Variants in AGTRAP observed in about 807,000 individuals in gnomAD.
AGTRAP encodes angiotensin II receptor associated protein, also known as type-1 angiotensin II receptor-associated protein.
In AGTRAP, 7 loss-of-function variants were observed where a neutral mutation model predicts 15.2. That is an observed-to-expected ratio of 0.46 (90% CI 0.26 to 0.87). The LOEUF (loss-of-function observed/expected upper bound fraction) is 0.87. Among genes scored for constraint, AGTRAP ranks in the 40% least tolerant of loss-of-function variants. The probability of loss-of-function intolerance (pLI) is 0.15; values close to 1 mark genes in which losing one functional copy is unlikely to be tolerated. For synonymous variants in AGTRAP, 74 were observed against 89.6 expected, an observed-to-expected ratio of 0.83 and a Z score of 0.98; for missense variants, 187 against 213.4, an observed-to-expected ratio of 0.88 and a Z score of 0.77.
chr1:11,742,783 A>G (rs116738226), intron 1 of AGTRAP, among the ~76,000 whole-genome samples: 1,790 of 151,866 alleles, frequency 0.012, 33 homozygotes, highest in African/African-American at 0.04. Flanking sequence ...TTCTCCCTCC[A>G]CCTCCTAAAG....
chr1:11,747,428 C>T lies in AGTRAP; in HGVS notation c.63-12C>T, dbSNP rs770083300. ...TGGCCTCCTGACGGGACTGAGCTAC[C>T]TCTTCCTACAGGGGCTGCATTGTAT... is the stretch of plus-strand genomic sequence containing the variant. On this transcript the variant is annotated splice_polypyrimidine_tract_variant and intron_variant, in intron 2 of 4. Coordinates refer to ENST00000314340, the MANE Select transcript of AGTRAP (RefSeq NM_020350.5). 2.5e-6 allele frequency: 4 copies of T among 1,613,532 alleles called. No homozygotes were observed. The East Asian group carries it at 8.9e-5, about 36-fold the overall frequency.
chr1:11,749,438 T>G (rs964592594), intron 4 of AGTRAP, among the ~76,000 whole-genome samples: 4 of 151,922 alleles, frequency 2.6e-5, no homozygotes, highest in African/African-American at 9.7e-5. Flanking sequence ...AGGTGAGGGG[T>G]GCCAGAATGT....
intron 1 of AGTRAP, among the ~76,000 whole-genome samples, chr1:11,741,965 C>A (rs955868214): frequency 6.6e-6 from 1 of 152,184 alleles, no homozygotes; most frequent in Admixed American, 6.5e-5. Flanking sequence ...AAAGGAATTT[C>A]TTTTGGGCCA....
At chr1:11,739,383 T>C (rs1373581516) in intron 1 of AGTRAP, among the ~76,000 whole-genome samples, 1 of 151,970 alleles carries the variant, frequency 6.6e-6, no homozygotes, top group African/African-American at 2.4e-5. Flanking sequence ...TAACCCCACC[T>C]CTACTAAAAA....
At chr1:11,740,071 C>G (rs959476134) in intron 1 of AGTRAP, among the ~76,000 whole-genome samples, 5 of 152,210 alleles carry the variant, frequency 3.3e-5, no homozygotes, top group African/African-American at 1.2e-4. Context: ...GGCTCAGGTC[C>G]GTCCTTCCTG....
At position 11,749,705 on chromosome 1, in the gene AGTRAP, C is replaced by T. The variant is rs1417891850; in HGVS notation, c.365-372C>T. Among the ~76,000 whole-genome samples the T allele has an allele frequency of 2.6e-5, 4 of 152,258 alleles. No homozygotes were observed. The South Asian group carries it at 6.2e-4, about 24-fold the overall frequency. ...GTCCCTCTGCCCAGGTTCCTAAGCA[C>T]GTGCTGCCTGGGGAAGCCCATGGCA... On this transcript the variant is annotated intron_variant, in intron 4 of 4. Transcript: ENST00000314340.
intron 3 of AGTRAP, 58 bp from the exon 4 acceptor site, chr1:11,748,357 G>A (rs558090337): frequency 1.6e-5 from 25 of 1,553,788 alleles, no homozygotes; most frequent in East Asian, 2.3e-5. Context: ...GGTGTGTGGC[G>A]GGGGAGCCAC....
In AGTRAP at chr1:11,747,562, G is replaced by A; in HGVS notation, c.168+17G>A. On this transcript the variant is annotated intron_variant, in intron 3 of 4. Coordinates refer to ENST00000314340, the MANE Select transcript of AGTRAP (RefSeq NM_020350.5). Reference sequence around the variant, plus strand: ...ATAAGCATGGTGAGCCAGGGTGGGGGAGAGGCGGCAAGGCGGGGAGCCGCA... The same window carrying A: ...ATAAGCATGGTGAGCCAGGGTGGGGAAGAGGCGGCAAGGCGGGGAGCCGCA... 6.2e-7 allele frequency: 1 copy of A among 1,612,448 alleles called. No individual in the cohort carries two copies. The highest frequency in any genetic ancestry group is 8.5e-7 in the Non-Finnish European group (1 of 1,179,438).
At chr1:11,743,027 G>A (rs913399706) in intron 1 of AGTRAP, among the ~76,000 whole-genome samples, 12 of 152,138 alleles carry the variant, frequency 7.9e-5, no homozygotes, top group Non-Finnish European at 1.3e-4. Context: ...CACCAGGCCC[G>A]TTGAAGCTCC....
Position 11,750,212 on chromosome 1 carries a change from G to C in AGTRAP, c.*20G>C, listed in dbSNP as rs745623857. ...TACTGAAGCCAGCCACGCTGCGCCC[G>C]GCCCTGCCCCGGGCCTTCCTCGTGC... On this transcript the variant is annotated 3_prime_UTR_variant, in exon 5 of 5. Coordinates refer to ENST00000314340, the MANE Select transcript of AGTRAP (RefSeq NM_020350.5). The C allele has an allele frequency of 1.1e-5, 17 of 1,598,964 alleles. No individual in the cohort carries two copies.
chr1:11,745,900 C>A lies in AGTRAP; in HGVS notation c.62+63C>A. 6.2e-7 allele frequency: 1 copy of A among 1,600,600 alleles called. No individual in the cohort carries two copies. Among genetic ancestry groups the A allele is most frequent in the South Asian group, 1.1e-5 (1 of 90,744 alleles). On this transcript the variant is annotated intron_variant, in intron 2 of 4. Coordinates refer to ENST00000314340, the MANE Select transcript of AGTRAP (RefSeq NM_020350.5). This position sits in a 1 kb window ranked among gnomAD's most constrained non-coding sequence, Gnocchi z 4.2. ...GTCTCAGGGTCTGTGTCAGCCGGGT[C>A]AGGTCCTGGTTCTGCCGTGTTTTAA... is the stretch of plus-strand genomic sequence containing the variant.
chr1:11,748,621 C>T lies in AGTRAP; in HGVS notation c.364+11C>T, dbSNP rs374088316. The T allele has an allele frequency of 8.8e-5, 141 of 1,600,064 alleles. No individual in the cohort carries two copies. The highest frequency in any genetic ancestry group is 1.2e-4 in the Non-Finnish European group (138 of 1,176,886). ...TCCTGGTCCACACTGGTGAGGCCACCACCTCCAGCCAGCTCCTCACCGCTC... is the reference window on the plus strand; with the variant it reads ...TCCTGGTCCACACTGGTGAGGCCACTACCTCCAGCCAGCTCCTCACCGCTC... On this transcript the variant is annotated intron_variant, in intron 4 of 4. Transcript: ENST00000314340.
rs1476537893 is a variant in AGTRAP, at chr1:11,736,217, G to A, written c.9G>A (p.Leu3=). The A allele has an allele frequency of 6.2e-7, 1 of 1,607,806 alleles. No homozygotes were observed. The highest frequency in any genetic ancestry group is 1.7e-5 in the Admixed American group (1 of 58,900). ME[L]PAVNLKVILL... Reference sequence around the variant, plus strand: ...CCTCGGCCTGAGTCGGGATGGAGCTGCCTGCTGTGAACCTGAAGGTGGCGA... The same window carrying A: ...CCTCGGCCTGAGTCGGGATGGAGCTACCTGCTGTGAACCTGAAGGTGGCGA... The change falls in exon 1 of 5, where the codon CTG becomes CTA. Residue 3 remains leucine (L), a synonymous_variant. Transcript: ENST00000314340.
In AGTRAP at chr1:11,750,512, G is replaced by C; in HGVS notation, c.*320G>C. ...GTCCTGCCTGAGTGTTGCAAGCTCA[G>C]GCCTTTAAGGACTGCTGATGCCCCC... On this transcript the variant is annotated 3_prime_UTR_variant, in exon 5 of 5. Coordinates refer to ENST00000314340, the MANE Select transcript of AGTRAP (RefSeq NM_020350.5). 2 of 577,978 alleles carry C rather than the reference G, an allele frequency of 3.5e-6. No homozygotes were observed. Among genetic ancestry groups the C allele is most frequent in the Non-Finnish European group, 6.2e-6 (2 of 324,544 alleles). 35.8% of individuals were successfully genotyped at this position (577,978 alleles called of 1,614,324 possible). A position where few individuals can be genotyped will look rare whatever the true frequency, so the allele number is the denominator to read the frequency against.
chr1:11,739,365 A>G (rs1410007103), intron 1 of AGTRAP, among the ~76,000 whole-genome samples: 1 of 152,134 alleles, frequency 6.6e-6, no homozygotes, highest in African/African-American at 2.4e-5. Context: ...AGCCTGGCCA[A>G]CATGATGTAA....
chr1:11,748,376 G>A (rs762052636), intron 3 of AGTRAP, 39 bp from the exon 4 acceptor site: 1 of 1,589,110 alleles, frequency 6.3e-7, no homozygotes, highest in East Asian at 2.3e-5. Context: ...ACGGAGCGTG[G>A]TGGGGGTGTT....
At chr1:11,748,727 G>A (rs551563359) in intron 4 of AGTRAP, 117 bp downstream of exon 4, 3 of 1,248,168 alleles carry the variant, frequency 2.4e-6, no homozygotes, top group Admixed American at 4.6e-5. Context: ...AAGGTGCAGG[G>A]AGAGCGTGGC....
chr1:11,745,916 C>T lies in AGTRAP; in HGVS notation c.62+79C>T, dbSNP rs187110424. 8.9e-6 allele frequency: 14 copies of T among 1,579,046 alleles called. No homozygotes were observed. Among genetic ancestry groups the T allele is most frequent in the Middle Eastern group, 1.7e-4 (1 of 5,984 alleles). Reference sequence around the variant, plus strand: ...CAGCCGGGTCAGGTCCTGGTTCTGCCGTGTTTTAACCAGGTCACTTTGGGC... The same window carrying T: ...CAGCCGGGTCAGGTCCTGGTTCTGCTGTGTTTTAACCAGGTCACTTTGGGC... On this transcript the variant is annotated intron_variant, in intron 2 of 4. Transcript: ENST00000314340. This position sits in a 1 kb window ranked among gnomAD's most constrained non-coding sequence, Gnocchi z 4.2.
In AGTRAP at chr1:11,750,395, C is replaced by T. The variant is rs1413463044; in HGVS notation, c.*203C>T. On this transcript the variant is annotated 3_prime_UTR_variant, in exon 5 of 5. Transcript: ENST00000314340. ...TGTCCCGAACTCCCTGAGGCCTCCC[C>T]TCCCTTCAGGGCACCCACTGGTTCC... is the stretch of plus-strand genomic sequence containing the variant. 2 of 630,098 alleles carry T rather than the reference C, an allele frequency of 3.2e-6. No homozygotes were observed. Among genetic ancestry groups the T allele is most frequent in the African/African-American group, 1.8e-5 (1 of 55,138 alleles). The allele number at this position is 630,098 out of a possible 1,614,324, so 39.0% of individuals were successfully genotyped here. A position where few individuals can be genotyped will look rare whatever the true frequency, so the allele number is the denominator to read the frequency against.
Sources: allele counts gnomAD v4.1 joint callset (sites outside exome capture counted in the v4.1 genomes callset), GRCh38; gene constraint gnomAD v4.1.1; non-coding constraint Gnocchi (gnomAD v3.1); transcripts MANE v1.5; gene names NCBI Gene and HGNC (gene_info 2026-07-23, HGNC 2026-07-21).